Variants in SFTPB observed in about 807,000 individuals in gnomAD.
The protein encoded by SFTPB is pulmonary surfactant-associated protein B.
SFTPB carries 32 observed loss-of-function variants against 51.0 expected under a neutral mutation model. That is an observed-to-expected ratio of 0.63 (90% CI 0.47 to 0.84). SFTPB has a LOEUF of 0.84. SFTPB is among the 40% of genes least tolerant of loss of function. The pLI is 0.00. For missense variants in SFTPB, 431 were observed against 491.2 expected, an observed-to-expected ratio of 0.88 and a Z score of 1.16; for synonymous variants, 211 against 208.5, an observed-to-expected ratio of 1.01 and a Z score of -0.10.
At chr2:85,666,422 G>GC (rs1558577280) in intron 4 of SFTPB, 195 bp downstream of exon 4, 11 of 526,994 alleles carry the variant, frequency 2.1e-5, no homozygotes, top group African/African-American at 6.0e-5. Flanking sequence ...CAGCTGGGGT[G>GC]TTGTGTGTGT....
intron 6 of SFTPB, among the ~76,000 whole-genome samples, chr2:85,664,658 C>A (rs1050740634): frequency 2.6e-5 from 4 of 152,188 alleles, no homozygotes; most frequent in Non-Finnish European, 5.9e-5. Context: ...GACGGGGTTT[C>A]GCCATGTTGC....
At position 85,666,446 on chromosome 2, in the gene SFTPB, TCC is replaced by T. The variant is rs1339851649; in HGVS notation, c.393+169_393+170del. On this transcript the variant is annotated intron_variant, in intron 4 of 10. Transcript: ENST00000519937. ...TGTTGTGTGTGTGTGTGTGTGTGTG[TCC>T]GGCTGGCTGGGGTGCTGTGTGTTTG... is the stretch of plus-strand genomic sequence containing the variant. The T allele has an allele frequency of 3.3e-5, 19 of 583,986 alleles. 1 individual carries two copies. Among genetic ancestry groups the T allele is most frequent in the South Asian group, 2.5e-4 (14 of 55,000 alleles). The allele number at this position is 583,986 out of a possible 1,614,324, so 36.2% of individuals were successfully genotyped here. A position where few individuals can be genotyped will look rare whatever the true frequency, so the allele number is the denominator to read the frequency against.
At chr2:85,667,055 G>C in intron 3 of SFTPB, 51 bp downstream of exon 3, 4 of 1,482,232 alleles carry the variant, frequency 2.7e-6, no homozygotes, top group Non-Finnish European at 3.8e-6. Context: ...TCCCTGCTCT[G>C]TCCCTCATCT....
intron 4 of SFTPB, among the ~76,000 whole-genome samples, chr2:85,666,169 G>GGT (rs56132282): frequency 0.15 from 22,059 of 146,030 alleles, 1,798 homozygotes; most frequent in Non-Finnish European, 0.2. Flanking sequence ...TTGTGGACAG[G>GGT]GTGTGTGTGT....
chr2:85,662,583 G>A (rs569381540), intron 8 of SFTPB, among the ~76,000 whole-genome samples: 42 of 152,278 alleles, frequency 2.8e-4, no homozygotes, highest in African/African-American at 9.9e-4. Context: ...GCTTATGCCT[G>A]TAATCCCAGC....
rs1019814885 is a variant in SFTPB, at chr2:85,665,629, C to T, written c.559G>A (p.Ala187Thr). 2.5e-6 allele frequency: 4 copies of T among 1,613,946 alleles called. No individual in the cohort carries two copies. Among genetic ancestry groups the T allele is most frequent in the Non-Finnish European group, 2.5e-6 (3 of 1,180,032 alleles). The change falls in exon 5 of 11, where the codon GCG becomes ACG. Residue 187 changes from alanine (A) to threonine (T), a missense_variant. Transcript: ENST00000519937. Reference sequence around the variant, plus strand: ...ACCTGTGTGTGAGGCCCAGGCCTCGCCTGGAGGGCCCCGGGCAGCACAGGG... The same window carrying T: ...ACCTGTGTGTGAGGCCCAGGCCTCGTCTGGAGGGCCCCGGGCAGCACAGGG... ...VLPVLPGALQ[A>T]RPGPHTQDLS...
chr2:85,667,014 T>A, intron 3 of SFTPB, 92 bp downstream of exon 3: 1 of 1,228,640 alleles, frequency 8.1e-7, no homozygotes. Context: ...CTCCTCAGCC[T>A]GGAAATGGCC....
chr2:85,667,600 C>T, intron 2 of SFTPB, 79 bp downstream of exon 2: 1 of 1,584,632 alleles, frequency 6.3e-7, no homozygotes, highest in South Asian at 1.1e-5. Context: ...GGGCTCCACT[C>T]TCCTCCTGCC....
At chr2:85,661,167 G>T (rs1677271493) in intron 10 of SFTPB, 1 of 346,350 alleles carries the variant, frequency 2.9e-6, no homozygotes, top group East Asian at 6.6e-5. Flanking sequence ...GGCAAGCTCT[G>T]AGAGGGAGGC....
chr2:85,660,444 C>CTTTTTTT (rs67187198), intron 10 of SFTPB, among the ~76,000 whole-genome samples: 3 of 97,464 alleles, frequency 3.1e-5, no homozygotes, highest in Non-Finnish European at 5.7e-5. Context: ...AAAGAAATAC[C>CTTTTTTT]TTTTTTTTTT....
chr2:85,668,424 G>C (rs1677764662), upstream of SFTPB, among the ~76,000 whole-genome samples: 1 of 152,218 alleles, frequency 6.6e-6, no homozygotes, highest in South Asian at 2.1e-4. Context: ...TCCTGGACTT[G>C]TGGCTTCCTC....
chr2:85,667,491 C>T (rs1411328430), intron 2 of SFTPB, among the ~76,000 whole-genome samples, 188 bp downstream of exon 2: 2 of 152,084 alleles, frequency 1.3e-5, no homozygotes, highest in Non-Finnish European at 2.9e-5. Context: ...CATCCGACTC[C>T]ATCTATTCTA....
intron 2 of SFTPB, 101 bp downstream of exon 2, chr2:85,667,578 C>A: frequency 6.9e-6 from 10 of 1,447,308 alleles, no homozygotes; most frequent in Non-Finnish European, 9.7e-6. Context: ...TCATCTCATC[C>A]ATCCCCTATG....
At chr2:85,661,999 C>G (rs1677328663) in intron 9 of SFTPB, 30 bp downstream of exon 9, 1 of 1,577,300 alleles carries the variant, frequency 6.3e-7, no homozygotes. Context: ...CAAGGGAAGT[C>G]CTAGGACCAA....
chr2:85,665,118 G>C (rs1677505562), intron 6 of SFTPB, among the ~76,000 whole-genome samples, 171 bp downstream of exon 6: 1 of 152,206 alleles, frequency 6.6e-6, no homozygotes, highest in Non-Finnish European at 1.5e-5. Context: ...GCCTGAGCCT[G>C]AGCCCCAGGG....
intron 9 of SFTPB, among the ~76,000 whole-genome samples, 175 bp downstream of exon 9, chr2:85,661,854 T>G (rs563842867): frequency 1.3e-5 from 2 of 152,172 alleles, no homozygotes; most frequent in South Asian, 4.1e-4. Flanking sequence ...CCCTTTTCCA[T>G]GCTCTCATGA....
At chr2:85,667,262 C>T in intron 2 of SFTPB, 85 bp from the exon 3 acceptor site, 1 of 1,007,628 alleles carries the variant, frequency 9.9e-7, no homozygotes. Context: ...TAGGAAGAGG[C>T]CAACAGAGCA....
chr2:85,667,536 T>C (rs1292637417), intron 2 of SFTPB, 143 bp downstream of exon 2: 3 of 1,088,234 alleles, frequency 2.8e-6, no homozygotes, highest in Non-Finnish European at 4.2e-6. Flanking sequence ...TCCCATTCCA[T>C]TTTATCCTAT....
At position 85,663,408 on chromosome 2, in the gene SFTPB, C is replaced by G. The variant is rs899331882; in HGVS notation, c.940G>C (p.Glu314Gln). 1.2e-6 allele frequency: 2 copies of G among 1,613,846 alleles called. No individual in the cohort carries two copies. Among genetic ancestry groups the G allele is most frequent in the African/African-American group, 2.7e-5 (2 of 74,934 alleles). The change falls in exon 8 of 11, where the codon GAG becomes CAG. Residue 314 changes from glutamate (E) to glutamine (Q), a missense_variant. Glu to Gln is a conservative substitution (Grantham distance 29). Coordinates refer to ENST00000519937, the MANE Select transcript of SFTPB (RefSeq NM_000542.5). ...SVTTQAGNSS[E>Q]QAIPQAMLQA... ...AGCATTGCCTGTGGTATGGCCTGCT[C>G]GCTGCTGTTCCCGGCCTGGGTGGTC...
Sources: allele counts gnomAD v4.1 joint callset (sites outside exome capture counted in the v4.1 genomes callset), GRCh38; gene constraint gnomAD v4.1.1; transcripts MANE v1.5; gene names NCBI Gene and HGNC (gene_info 2026-07-23, HGNC 2026-07-21).